WWTR1: variants seen among roughly 807,000 people sequenced by gnomAD.
The protein encoded by WWTR1 is WW domain containing transcription regulator 1, also known as WW domain-containing transcription regulator protein 1.
Under a neutral mutation model 40.1 loss-of-function variants are expected in WWTR1, and 13 were observed. That is an observed-to-expected ratio of 0.32 (90% confidence interval 0.21 to 0.52). WWTR1 has a LOEUF of 0.52. Ranked by LOEUF, WWTR1 falls within the 20% of genes least tolerant of loss-of-function variation. The pLI is 0.97. For missense variants in WWTR1, 436 were observed against 523.1 expected, an observed-to-expected ratio of 0.83 and a Z score of 1.63; for synonymous variants, 230 against 210.1, an observed-to-expected ratio of 1.09 and a Z score of -0.82.
At chr3:149,610,483 A>G (rs1344933621) in intron 2 of WWTR1, among the ~76,000 whole-genome samples, 1 of 152,254 alleles carries the variant, frequency 6.6e-6, no homozygotes, top group Non-Finnish European at 1.5e-5. Flanking sequence ...TCGTTTTAAT[A>G]GCAGATTTAA....
chr3:149,715,598 G>A (rs902471827), intron 5 of WWTR1, among the ~76,000 whole-genome samples: 1 of 152,248 alleles, frequency 6.6e-6, no homozygotes, highest in Non-Finnish European at 1.5e-5. Context: ...CAGCCTGCCA[G>A]GCCGAGTGGG....
At chr3:149,643,288 A>C (rs1386529059) in intron 2 of WWTR1, among the ~76,000 whole-genome samples, 1 of 152,140 alleles carries the variant, frequency 6.6e-6, no homozygotes, top group East Asian at 1.9e-4. Context: ...TGGAACCATA[A>C]ATTTTTTACT....
intron 1 of WWTR1, among the ~76,000 whole-genome samples, chr3:149,679,078 G>C (rs886933412): frequency 6.6e-6 from 1 of 152,126 alleles, no homozygotes; most frequent in African/African-American, 2.4e-5. Flanking sequence ...TGATCTGCCC[G>C]CCTTGGCCTC....
chr3:149,697,133 G>A (rs149588235), intron 1 of WWTR1, among the ~76,000 whole-genome samples: 15 of 152,250 alleles, frequency 9.9e-5, no homozygotes, highest in African/African-American at 3.4e-4. Flanking sequence ...TAAGGCTGGG[G>A]AATTTATAAA....
At chr3:149,721,128 G>T (rs1451674270) in intron 4 of WWTR1, among the ~76,000 whole-genome samples, 1 of 151,792 alleles carries the variant, frequency 6.6e-6, no homozygotes, top group Non-Finnish European at 1.5e-5. Context: ...TCATTGCTAT[G>T]TCTAGCATTT....
intron 3 of WWTR1, among the ~76,000 whole-genome samples, chr3:149,571,517 A>G (rs1737629276): frequency 6.6e-6 from 1 of 152,142 alleles, no homozygotes; most frequent in African/African-American, 2.4e-5. Flanking sequence ...TGCCCTTTAG[A>G]TAAGGAACTC....
intron 2 of WWTR1, among the ~76,000 whole-genome samples, chr3:149,606,643 A>T (rs868489379): frequency 1.3e-5 from 2 of 152,316 alleles, no homozygotes; most frequent in Middle Eastern, 6.8e-3. Flanking sequence ...CTGAGAATAG[A>T]GTGATGGGCA....
At chr3:149,559,707 T>C (rs376218414) in intron 3 of WWTR1, among the ~76,000 whole-genome samples, 17 of 152,354 alleles carry the variant, frequency 1.1e-4, no homozygotes, top group South Asian at 4.1e-4. Context: ...TGTGGCACTG[T>C]TGAACTTTGA....
At chr3:149,604,807 G>GT (rs1262082191) in intron 2 of WWTR1, among the ~76,000 whole-genome samples, 1 of 152,252 alleles carries the variant, frequency 6.6e-6, no homozygotes, top group Non-Finnish European at 1.5e-5. Flanking sequence ...CAGAAGGCAG[G>GT]TGGGAGGACA....
intron 3 of WWTR1, among the ~76,000 whole-genome samples, chr3:149,556,134 T>C (rs1037995536): frequency 2.6e-5 from 4 of 152,232 alleles, no homozygotes; most frequent in African/African-American, 9.6e-5. Flanking sequence ...GTGAGCACTG[T>C]GGTTGGCCTC....
intron 2 of WWTR1, among the ~76,000 whole-genome samples, chr3:149,588,572 G>A (rs991194891): frequency 3.3e-5 from 5 of 152,142 alleles, no homozygotes; most frequent in African/African-American, 1.2e-4. Flanking sequence ...ATCTGTATTT[G>A]CTAAAATATA....
rs1046596483 is a variant in WWTR1, at chr3:149,697,504, T to C, written c.-108+5620A>G. Among the ~76,000 whole-genome samples, 3 of 152,126 alleles carry C rather than the reference T, an allele frequency of 2.0e-5. No homozygotes were observed. The East Asian group carries it at 5.8e-4, about 29-fold the overall frequency. On this transcript the variant is annotated intron_variant, in intron 1 of 7. Coordinates refer to the WWTR1 transcript ENST00000465804. ...ACTGGAAGAATCAATATTGTTAATA[T>C]GTCCACACTACCCAAAGCCCCATGA...
intron 6 of WWTR1, among the ~76,000 whole-genome samples, chr3:149,524,815 A>G (rs1735218421): frequency 6.6e-6 from 1 of 152,220 alleles, no homozygotes; most frequent in Admixed American, 6.5e-5. Flanking sequence ...TACAGGCACT[A>G]TGGCAAACAC....
rs137913778 is a variant in WWTR1, at chr3:149,519,239, G to A, written c.*1566C>T. The stretch of plus-strand genomic sequence containing the variant: ...TAAAAGCTAATTAAAAATGGTTTTG[G>A]TTACATAAGAGGTATTGAATACATA... On this transcript the variant is annotated 3_prime_UTR_variant, in exon 7 of 7. Coordinates refer to ENST00000360632, the MANE Select transcript of WWTR1 (RefSeq NM_015472.6). 5 of 152,276 alleles carry A rather than the reference G, an allele frequency of 3.3e-5. No individual in the cohort carries two copies. The highest frequency in any genetic ancestry group is 5.9e-5 in the Non-Finnish European group (4 of 68,030). 9.4% of individuals were successfully genotyped at this position (152,276 alleles called of 1,614,324 possible). A position where few individuals can be genotyped will look rare whatever the true frequency, so the allele number is the denominator to read the frequency against.
chr3:149,667,753 A>G (rs1713894704), intron 2 of WWTR1, among the ~76,000 whole-genome samples: 1 of 152,126 alleles, frequency 6.6e-6, no homozygotes, highest in African/African-American at 2.4e-5. Flanking sequence ...CAGTGGCTGC[A>G]CGTTGTAGTT....
Position 149,594,040 on chromosome 3 carries a change from C to T in WWTR1, c.432-21040G>A, listed in dbSNP as rs748928838. ...GTTTCTTGGGTCAGAGACCTGCTTA[C>T]GTGGGTGTGTTCAATTTGTGCAAAT... On this transcript the variant is annotated intron_variant, in intron 2 of 6. Transcript: ENST00000360632. Among the ~76,000 whole-genome samples the T allele has an allele frequency of 5.9e-5, 9 of 152,210 alleles. No individual in the cohort carries two copies. In the South Asian group the frequency reaches 8.3e-4, roughly 14 times the overall value.
intron 6 of WWTR1, 89 bp from the exon 7 acceptor site, chr3:149,521,078 T>C (rs1336174384): frequency 8.6e-6 from 12 of 1,389,252 alleles, no homozygotes; most frequent in Non-Finnish European, 1.1e-5. Flanking sequence ...ACCCTCACCT[T>C]CATGTCTTCA....
intron 2 of WWTR1, among the ~76,000 whole-genome samples, chr3:149,613,098 G>A (rs1052046289): frequency 2.6e-5 from 4 of 152,058 alleles, no homozygotes; most frequent in African/African-American, 7.2e-5. Context: ...TATACTTTCA[G>A]GATCATAAGG....
chr3:149,633,793 C>G (rs1000526157), intron 2 of WWTR1, among the ~76,000 whole-genome samples: 6 of 152,090 alleles, frequency 3.9e-5, no homozygotes, highest in Admixed American at 6.6e-5. Flanking sequence ...GGGGTACAAG[C>G]ACTGCCAGGA....
Sources: gnomAD v4.1 joint callset for allele counts (sites outside exome capture counted in the v4.1 genomes callset) on GRCh38, gnomAD v4.1.1 for gene constraint, MANE v1.5 for transcripts, NCBI Gene and HGNC (gene_info 2026-07-23, HGNC 2026-07-21) for gene names.